Variants in PPIA observed in about 807,000 individuals in gnomAD.
PPIA encodes the protein peptidyl-prolyl cis-trans isomerase A.
In PPIA, 2 loss-of-function variants were observed where a neutral mutation model predicts 15.3. That is an observed-to-expected ratio of 0.13 (90% confidence interval 0.05 to 0.41). The LOEUF (loss-of-function observed/expected upper bound fraction) is 0.41, where lower values mean the gene tolerates loss of function less well. Ranked by LOEUF, PPIA falls within the 10% of genes least tolerant of loss-of-function variation. The probability of loss-of-function intolerance (pLI) is 0.99; values close to 1 mark genes in which losing one functional copy is unlikely to be tolerated. For synonymous variants in PPIA, 67 were observed against 73.1 expected, an observed-to-expected ratio of 0.92 and a Z score of 0.43; for missense variants, 103 against 210.3, an observed-to-expected ratio of 0.49 and a Z score of 3.16.
At chr7:44,801,068 T>C (rs755100714) in intron 4 of PPIA, among the ~76,000 whole-genome samples, 11 of 151,584 alleles carry the variant, frequency 7.3e-5, no homozygotes, top group African/African-American at 1.5e-4. Context: ...CCGCCCGCCT[T>C]GGCCTCCCAA....
At chr7:44,797,389 T>C (rs912405232) in intron 1 of PPIA, among the ~76,000 whole-genome samples, 4 of 152,362 alleles carry the variant, frequency 2.6e-5, no homozygotes, top group African/African-American at 9.6e-5. Context: ...ACTTGAAATA[T>C]CTTCCATTTG....
At position 44,801,754 on chromosome 7, in the gene PPIA, A is replaced by T. The variant is rs890905522; in HGVS notation, c.*332A>T. On this transcript the variant is annotated 3_prime_UTR_variant, in exon 5 of 5. Coordinates refer to ENST00000468812, the MANE Select transcript of PPIA (RefSeq NM_021130.5). ...TAGATTTTTTTTACTTTCCAGTCCC[A>T]GGAAGTGTCAATGTTTGTTGAGTGG... 4 of 227,682 alleles carry T rather than the reference A, an allele frequency of 1.8e-5. No homozygotes were observed. The highest frequency in any genetic ancestry group is 2.6e-5 in the Non-Finnish European group (3 of 115,070). 14.1% of individuals were successfully genotyped at this position (227,682 alleles called of 1,614,324 possible). A position where few individuals can be genotyped will look rare whatever the true frequency, so the allele number is the denominator to read the frequency against.
intron 4 of PPIA, among the ~76,000 whole-genome samples, chr7:44,800,943 G>A (rs956521531): frequency 3.3e-5 from 5 of 151,964 alleles, no homozygotes; most frequent in South Asian, 2.1e-4. Flanking sequence ...TCAGCCTCCC[G>A]AGTAGCTGGG....
intron 1 of PPIA, among the ~76,000 whole-genome samples, chr7:44,797,747 C>G (rs1289592897): frequency 2.0e-5 from 3 of 152,158 alleles, no homozygotes; most frequent in Admixed American, 6.5e-5. Context: ...GAGTACGATT[C>G]CGTTCCAGTT....
intron 1 of PPIA, among the ~76,000 whole-genome samples, chr7:44,797,056 A>C (rs911536161): frequency 1.3e-5 from 2 of 152,142 alleles, no homozygotes; most frequent in African/African-American, 2.4e-5. Context: ...CGCCCGCCTC[A>C]TGTGGCCGCG....
chr7:44,797,964 G>A (rs1792430993), intron 1 of PPIA: 1 of 152,188 alleles, frequency 6.6e-6, no homozygotes, highest in Non-Finnish European at 1.5e-5. Context: ...AACACTGCAT[G>A]TTAATCCACA....
chr7:44,801,040 A>G (rs1792541852), intron 4 of PPIA, among the ~76,000 whole-genome samples: 1 of 151,170 alleles, frequency 6.6e-6, no homozygotes, highest in Admixed American at 6.6e-5. Flanking sequence ...GATGGTCTCG[A>G]TCTCCTGACC....
Position 44,801,617 on chromosome 7 carries a change from A to G in PPIA, c.*195A>G, listed in dbSNP as rs1792564216. 2.3e-5 allele frequency: 12 copies of G among 517,456 alleles called. No homozygotes were observed. The South Asian group carries it at 2.5e-4, about 11-fold the overall frequency. 32.1% of individuals were successfully genotyped at this position (517,456 alleles called of 1,614,324 possible). On this transcript the variant is annotated 3_prime_UTR_variant, in exon 5 of 5. Coordinates refer to ENST00000468812, the MANE Select transcript of PPIA (RefSeq NM_021130.5). Reference sequence around the variant, plus strand: ...TTAAGTTTATGATTATGAAATAAAAACTAAATAACAATTGTCCTCGTTTGA... The same window carrying G: ...TTAAGTTTATGATTATGAAATAAAAGCTAAATAACAATTGTCCTCGTTTGA...
At chr7:44,800,821 G>C (rs1268145161) in intron 4 of PPIA, among the ~76,000 whole-genome samples, 1 of 151,774 alleles carries the variant, frequency 6.6e-6, no homozygotes, top group Non-Finnish European at 1.5e-5. Context: ...CATTCTATAT[G>C]TGTAACTCTT....
intron 1 of PPIA, 28 bp downstream of exon 1, chr7:44,796,821 G>A (rs1400104162): frequency 6.3e-7 from 1 of 1,595,734 alleles, no homozygotes; most frequent in South Asian, 1.1e-5. Context: ...GTGCGGGAAT[G>A]GGGCCCAGAA....
At chr7:44,796,961 G>A (rs528268719) in intron 1 of PPIA, among the ~76,000 whole-genome samples, 168 bp downstream of exon 1, 41 of 151,958 alleles carry the variant, frequency 2.7e-4, no homozygotes, top group Non-Finnish European at 5.7e-4. Context: ...AGGTCCGCGA[G>A]TCGCGGGGAG....
chr7:44,799,410 G>A lies in PPIA; in HGVS notation c.119G>A (p.Ser40Asn). 1 of 1,613,132 alleles carries A rather than the reference G, an allele frequency of 6.2e-7. No individual in the cohort carries two copies. The highest frequency in any genetic ancestry group is 8.5e-7 in the Non-Finnish European group (1 of 1,179,950). ...TAAACAGAAAATTTTCGTGCTCTGA[G>A]CACTGGAGAGAAAGGATTTGGTTAT... ...PKTAENFRAL[S>N]TGEKGFGYKG... is the part of the protein sequence containing the mutation. The change falls in exon 3 of 5, where the codon AGC becomes AAC. Residue 40 changes from serine to asparagine, a missense_variant. Coordinates refer to ENST00000468812, the MANE Select transcript of PPIA (RefSeq NM_021130.5).
intron 1 of PPIA, among the ~76,000 whole-genome samples, chr7:44,797,086 C>A (rs1020298353): frequency 3.3e-5 from 5 of 152,206 alleles, no homozygotes; most frequent in Non-Finnish European, 5.9e-5. Context: ...GTCCGACGCA[C>A]GTGCTCGGCG....
intron 1 of PPIA, chr7:44,798,965 A>G (rs1583690237): frequency 8.6e-7 from 1 of 1,168,680 alleles, no homozygotes; most frequent in East Asian, 4.1e-5. Flanking sequence ...ATATCTTTTC[A>G]GAAGTAGGTG....
Sources: gnomAD v4.1 joint callset for allele counts (sites outside exome capture counted in the v4.1 genomes callset) on GRCh38, gnomAD v4.1.1 for gene constraint, MANE v1.5 for transcripts, NCBI Gene and HGNC (gene_info 2026-07-23, HGNC 2026-07-21) for gene names.